Variants in PCDHA1 observed in about 807,000 individuals in gnomAD.
PCDHA1 encodes the protein protocadherin alpha 1, also known as protocadherin alpha-1.
Under a neutral mutation model 61.3 loss-of-function variants are expected in PCDHA1, and 42 were observed. The ratio of observed to expected loss-of-function variants is 0.69; its 90% CI spans 0.54 to 0.89. PCDHA1 has a LOEUF of 0.89. Ranked by LOEUF, PCDHA1 falls within the 40% of genes least tolerant of loss-of-function variation. PCDHA1 has a pLI of 0.00. For synonymous variants in PCDHA1, 610 were observed against 553.8 expected (o/e 1.10, Z -1.43); for missense variants, 1,256 against 1,235.3 (o/e 1.02, Z -0.25).
intron 1 of PCDHA1, chr5:140,863,589 T>C: frequency 2.8e-6 from 1 of 359,456 alleles, no homozygotes; most frequent in Admixed American, 3.7e-5. Flanking sequence ...TCCTGGAAAG[T>C]ATTTCATTCC....
chr5:140,858,032 G>A lies in PCDHA1; in HGVS notation c.2394+69348G>A. 6.3e-7 allele frequency: 1 copy of A among 1,597,242 alleles called. No homozygotes were observed. The highest frequency in any genetic ancestry group is 8.6e-7 in the Non-Finnish European group (1 of 1,167,272). The stretch of plus-strand genomic sequence containing the variant: ...TGGCGAGCCGTCGCTGACGGCCACG[G>A]CCACTGTGCTTGTGTCGCTTGTGGA... On this transcript the variant is annotated intron_variant, in intron 1 of 3. Transcript: ENST00000504120.
chr5:140,821,338 G>T (rs2150060866), intron 1 of PCDHA1, among the ~76,000 whole-genome samples: 1 of 152,110 alleles, frequency 6.6e-6, no homozygotes, highest in East Asian at 1.9e-4. Context: ...TAAGGATTGG[G>T]GTTTCATGAC....
rs17119334 is a variant in PCDHA1, at chr5:140,988,093, G to A, written c.2542+5530G>A. On this transcript the variant is annotated intron_variant, in intron 3 of 3. Coordinates refer to ENST00000504120, the MANE Select transcript of PCDHA1 (RefSeq NM_018900.4). ...CTATTTCATGAGTGAGTGCAGCCTCGGGCCTTGTTGGAGAATTTAGAAAGC... is the reference window on the plus strand; with the variant it reads ...CTATTTCATGAGTGAGTGCAGCCTCAGGCCTTGTTGGAGAATTTAGAAAGC... Among the ~76,000 whole-genome samples the A allele has an allele frequency of 6.9e-3, 1,055 of 152,154 alleles. 47 individuals are homozygous for A. The East Asian group carries it at 0.14, about 21-fold the overall frequency.
rs1031755500 is a variant in PCDHA1 at position 140,856,096 on chromosome 5, G to A, written c.2394+67412G>A. 31 of 1,597,342 alleles carry A rather than the reference G, an allele frequency of 1.9e-5. 3 individuals are homozygous for A. The Admixed American group carries it at 5.2e-4, about 27-fold the overall frequency. On this transcript the variant is annotated intron_variant, in intron 1 of 3. Transcript: ENST00000504120. ...TGGGGGTCCAGTGTCTGCTGCTCTCGCTTCTTCTCCTCGCAGCCTGGGAGG... is the reference window on the plus strand; with the variant it reads ...TGGGGGTCCAGTGTCTGCTGCTCTCACTTCTTCTCCTCGCAGCCTGGGAGG...
rs560121926 is a variant in PCDHA1 at position 140,949,352 on chromosome 5, T to A, written c.2395-29597T>A. Among the ~76,000 whole-genome samples, 6 of 151,992 alleles carry A rather than the reference T, an allele frequency of 3.9e-5. No individual in the cohort carries two copies. The South Asian group carries it at 1.2e-3, about 31-fold the overall frequency. On this transcript the variant is annotated intron_variant, in intron 1 of 3. Transcript: ENST00000504120. Reference sequence around the variant, plus strand: ...TTGTTATCCAGATTTTCTGTGTCTTTATTTTTTTGTCTAGTTGTCCTATCA... The same window carrying A: ...TTGTTATCCAGATTTTCTGTGTCTTAATTTTTTTGTCTAGTTGTCCTATCA...
chr5:140,856,435 G>T, intron 1 of PCDHA1: 3 of 1,598,320 alleles, frequency 1.9e-6, no homozygotes, highest in Non-Finnish European at 2.6e-6. Flanking sequence ...ACGACAACCC[G>T]CCCAGGTTCT....
intron 1 of PCDHA1, chr5:140,801,485 C>G: frequency 6.2e-7 from 1 of 1,614,078 alleles, no homozygotes; most frequent in Non-Finnish European, 8.5e-7. Context: ...AGGAACTGTG[C>G]GGGCGGAGCG....
intron 1 of PCDHA1, among the ~76,000 whole-genome samples, chr5:140,904,464 T>G (rs2071152048): frequency 1.3e-5 from 2 of 151,802 alleles, no homozygotes; most frequent in South Asian, 4.1e-4. Context: ...CACTTGTTGA[T>G]TGGTGGCTAT....
intron 1 of PCDHA1, chr5:140,801,516 G>A: frequency 6.2e-7 from 1 of 1,614,228 alleles, no homozygotes. Flanking sequence ...CATCCACCTG[G>A]AGGTGATCGT....
intron 1 of PCDHA1, among the ~76,000 whole-genome samples, chr5:140,937,158 C>T (rs969335051): frequency 2.6e-5 from 4 of 151,874 alleles, no homozygotes; most frequent in Non-Finnish European, 4.4e-5. Context: ...CTGCCTCAGC[C>T]TCCCGAGTAG....
rs1554262937 is a variant in PCDHA1 at position 141,010,412 on chromosome 5, G to A, written c.*475G>A. 2.5e-6 allele frequency: 3 copies of A among 1,201,296 alleles called. No homozygotes were observed. Among genetic ancestry groups the A allele is most frequent in the Non-Finnish European group, 3.4e-6 (3 of 885,080 alleles). 74.4% of individuals were successfully genotyped at this position (1,201,296 alleles called of 1,614,324 possible). On this transcript the variant is annotated 3_prime_UTR_variant, in exon 4 of 4. Coordinates refer to ENST00000504120, the MANE Select transcript of PCDHA1 (RefSeq NM_018900.4). ...GAGACGAGCCAGCTTAGACTAATTG[G>A]TACAAGGAAGGCAAGAAAACAAAGA...
In PCDHA1 at chr5:141,011,894, T is replaced by G. The variant is rs1303053966; in HGVS notation, c.*1957T>G. 6.5e-6 allele frequency: 1 copy of G among 153,306 alleles called. No homozygotes were observed. The highest frequency in any genetic ancestry group is 1.5e-5 in the Non-Finnish European group (1 of 68,044). The allele number at this position is 153,306 out of a possible 1,614,324, so 9.5% of individuals were successfully genotyped here. ...AATTTAGAAGTTTGATTAATTATAT[T>G]ATCTATTTAGGCATTAATATAAAAG... On this transcript the variant is annotated 3_prime_UTR_variant, in exon 4 of 4. Transcript: ENST00000504120.
chr5:140,962,787 C>T (rs2095707732), intron 1 of PCDHA1, among the ~76,000 whole-genome samples: 1 of 152,224 alleles, frequency 6.6e-6, no homozygotes, highest in Non-Finnish European at 1.5e-5. Context: ...TTTTTAAAAA[C>T]TACTTTGGAC....
intron 1 of PCDHA1, among the ~76,000 whole-genome samples, chr5:140,949,632 T>C (rs932981591): frequency 2.6e-5 from 4 of 151,894 alleles, no homozygotes; most frequent in Non-Finnish European, 5.9e-5. Flanking sequence ...TCATGGCATA[T>C]TGCTTTTTGT....
rs575141569 is a variant in PCDHA1, at chr5:140,917,876, CT to C, written c.2395-61063del. Among the ~76,000 whole-genome samples, 1,293 of 147,130 alleles carry C rather than the reference CT, an allele frequency of 8.8e-3. 5 individuals carry two copies. Among genetic ancestry groups the C allele is most frequent in the African/African-American group, 0.02 (816 of 40,244 alleles). ...TAGGATTGCTTTGACTATTTGGGCT[CT>C]TTTTTTTTTCCATATGAATGTTAGG... On this transcript the variant is annotated intron_variant, in intron 1 of 3. Coordinates refer to ENST00000504120, the MANE Select transcript of PCDHA1 (RefSeq NM_018900.4).
Position 140,796,555 on chromosome 5 carries a change from C to G in PCDHA1, c.2394+7871C>G, listed in dbSNP as rs553702843. On this transcript the variant is annotated intron_variant, in intron 1 of 3. Coordinates refer to ENST00000504120, the MANE Select transcript of PCDHA1 (RefSeq NM_018900.4). ...GCTGGACCACGAGGAAGTGGAGCTG[C>G]TGCAGTTCCAGGTGAGCGCGCGGGA... 19 of 1,613,196 alleles carry G rather than the reference C, an allele frequency of 1.2e-5. No homozygotes were observed. The South Asian group carries it at 1.2e-4, about 10-fold the overall frequency.
intron 1 of PCDHA1, chr5:140,801,128 T>C: frequency 1.3e-6 from 2 of 1,521,074 alleles, no homozygotes; most frequent in Non-Finnish European, 1.8e-6. Context: ...GAAATGAAGA[T>C]AAGGAACTCG....
At chr5:140,837,815 T>C (rs903227742) in intron 1 of PCDHA1, among the ~76,000 whole-genome samples, 3 of 151,770 alleles carry the variant, frequency 2.0e-5, no homozygotes, top group Admixed American at 2.0e-4. Flanking sequence ...TAGCTGGGAA[T>C]ACAGTTTGCA....
intron 1 of PCDHA1, among the ~76,000 whole-genome samples, chr5:140,931,914 A>C (rs1374173998): frequency 1.3e-5 from 2 of 151,960 alleles, no homozygotes; most frequent in Admixed American, 1.3e-4. Context: ...AAAGCATGAC[A>C]TTTAACAATG....
Sources: gnomAD v4.1 joint callset for allele counts (sites outside exome capture counted in the v4.1 genomes callset) on GRCh38, gnomAD v4.1.1 for gene constraint, MANE v1.5 for transcripts, NCBI Gene and HGNC (gene_info 2026-07-23, HGNC 2026-07-21) for gene names.